DPYD: variants seen among roughly 807,000 people sequenced by gnomAD.
DPYD encodes the protein dihydropyrimidine dehydrogenase.
In DPYD, 109 loss-of-function variants were observed where a neutral mutation model predicts 116.2. That is an observed-to-expected ratio of 0.94 (90% confidence interval 0.80 to 1.10). The LOEUF (loss-of-function observed/expected upper bound fraction) is 1.10, where lower values mean the gene tolerates loss of function less well. DPYD is among the 50% of genes least tolerant of loss of function. The pLI is 0.00. For synonymous variants in DPYD, 440 were observed against 432.0 expected (o/e 1.02, Z -0.23); for missense variants, 1,302 against 1,254.5 (o/e 1.04, Z -0.57).
chr1:97,108,800 T>G (rs573422520), intron 20 of DPYD, among the ~76,000 whole-genome samples: 76 of 152,250 alleles, frequency 5.0e-4, no homozygotes, highest in African/African-American at 1.8e-3. Context: ...CAAACTCATC[T>G]GAGACACACT....
rs1656070429 is a variant in DPYD at position 97,613,423 on chromosome 1, A to AT, written c.851-18258dup. On this transcript the variant is annotated intron_variant, in intron 8 of 22. Coordinates refer to ENST00000370192, the MANE Select transcript of DPYD (RefSeq NM_000110.4). ...GACATGTCACTAAAATCTTTAATAA[A>AT]TTTTTTACTCTTCTGCATCCTCATA... Among the ~76,000 whole-genome samples the AT allele has an allele frequency of 2.0e-5, 3 of 151,888 alleles. No individual in the cohort carries two copies. In the Admixed American group the frequency reaches 2.0e-4, roughly 10 times the overall value.
At chr1:97,849,626 A>G (rs1179617330) in intron 2 of DPYD, among the ~76,000 whole-genome samples, 1 of 151,994 alleles carries the variant, frequency 6.6e-6, no homozygotes, top group Non-Finnish European at 1.5e-5. Context: ...GAACCAGCAC[A>G]CTCCAAGCAC....
rs1306752079 is a variant in DPYD, at chr1:97,902,434, C to A, written c.39+18450G>T. Among the ~76,000 whole-genome samples, 9 of 151,890 alleles carry A rather than the reference C, an allele frequency of 5.9e-5. No individual in the cohort carries two copies. The East Asian group carries it at 1.8e-3, about 30-fold the overall frequency. Reference sequence around the variant, plus strand: ...GCATAAATAATATAGACCAGAGAGGCATAAGAGGTCAGAAGTTCAGTGTTT... The same window carrying A: ...GCATAAATAATATAGACCAGAGAGGAATAAGAGGTCAGAAGTTCAGTGTTT... On this transcript the variant is annotated intron_variant, in intron 1 of 22. Transcript: ENST00000370192.
chr1:97,238,386 C>A (rs898295550), intron 18 of DPYD, among the ~76,000 whole-genome samples: 5 of 152,058 alleles, frequency 3.3e-5, no homozygotes, highest in Non-Finnish European at 5.9e-5. Context: ...CTGTTCTCAG[C>A]ATTTTTATGG....
At chr1:97,748,125 T>C (rs1325300486) in intron 3 of DPYD, among the ~76,000 whole-genome samples, 1 of 152,142 alleles carries the variant, frequency 6.6e-6, no homozygotes, top group African/African-American at 2.4e-5. Context: ...ACATATGCTT[T>C]AAGGGTTCAT....
At chr1:97,300,787 G>A (rs940298540) in intron 18 of DPYD, among the ~76,000 whole-genome samples, 6 of 151,948 alleles carry the variant, frequency 3.9e-5, no homozygotes, top group Admixed American at 6.6e-5. Flanking sequence ...AACAATTCAC[G>A]CCTAAGTAAC....
chr1:97,317,630 C>T (rs758264205), intron 16 of DPYD, among the ~76,000 whole-genome samples: 5 of 151,942 alleles, frequency 3.3e-5, no homozygotes, highest in African/African-American at 4.8e-5. Flanking sequence ...ACTTAGAAAA[C>T]AACCACAAGC....
chr1:97,373,569 A>G lies in DPYD; in HGVS notation c.2050T>C (p.Cys684Arg). 1 of 1,613,596 alleles carries G rather than the reference A, an allele frequency of 6.2e-7. No homozygotes were observed. Among genetic ancestry groups the G allele is most frequent in the Non-Finnish European group, 8.5e-7 (1 of 1,179,750 alleles). Reference protein sequence around the residue: ...GMGERGMGLACGQDPELVRNI... With the variant: ...GMGERGMGLARGQDPELVRNI... ...GCTGTCAAGGTCCTTACCTGCCCAC[A>G]GGCCAGGCCCATTCCTCTTTCTCCC... is the stretch of plus-strand genomic sequence containing the variant. Residue 684 changes from cysteine (C) to arginine (R), a missense_variant, in exon 16 of 23, where the codon TGT becomes CGT. Cys to Arg is a radical substitution (Grantham distance 180, BLOSUM62 -3). Coordinates refer to ENST00000370192, the MANE Select transcript of DPYD (RefSeq NM_000110.4).
intron 12 of DPYD, among the ~76,000 whole-genome samples, chr1:97,549,130 G>A (rs936234218): frequency 6.6e-6 from 1 of 151,676 alleles, no homozygotes; most frequent in East Asian, 1.9e-4. Context: ...CAAGTGGCAC[G>A]ATCATGGCTT....
intron 16 of DPYD, among the ~76,000 whole-genome samples, chr1:97,345,377 T>G (rs1415585421): frequency 6.6e-6 from 1 of 151,488 alleles, no homozygotes; most frequent in East Asian, 1.9e-4. Flanking sequence ...CTCAACAAAA[T>G]GGGCTCTACA....
chr1:97,154,622 T>C (rs191313911), intron 20 of DPYD, among the ~76,000 whole-genome samples: 1 of 151,430 alleles, frequency 6.6e-6, no homozygotes, highest in Admixed American at 6.6e-5. Flanking sequence ...CGCACTCCTG[T>C]AGTCCCAGCT....
intron 2 of DPYD, among the ~76,000 whole-genome samples, chr1:97,846,244 C>G (rs1262049047): frequency 1.3e-5 from 2 of 152,024 alleles, no homozygotes; most frequent in Admixed American, 6.5e-5. Flanking sequence ...ATGGAAGCTC[C>G]GTGTCTTTTT....
chr1:97,265,811 TATCTACTCA>T (rs1331596493), intron 18 of DPYD, among the ~76,000 whole-genome samples: 2 of 152,180 alleles, frequency 1.3e-5, no homozygotes, highest in East Asian at 3.9e-4. Flanking sequence ...ACATGTACTC[TATCTACTCA>T]TAAGTTAGAA....
chr1:97,258,792 G>A (rs532815839), intron 18 of DPYD, among the ~76,000 whole-genome samples: 4 of 152,260 alleles, frequency 2.6e-5, no homozygotes, highest in Admixed American at 1.3e-4. Context: ...TGGTGGTGTT[G>A]CATAAGGACC....
At chr1:97,587,473 C>G (rs190639517) in intron 10 of DPYD, among the ~76,000 whole-genome samples, 63 of 152,114 alleles carry the variant, frequency 4.1e-4, no homozygotes, top group African/African-American at 1.4e-3. Flanking sequence ...TAAAAATAGT[C>G]CCAGGTTCAT....
Position 97,864,683 on chromosome 1 carries a change from A to G in DPYD, c.150+18581T>C, listed in dbSNP as rs184362881. Among the ~76,000 whole-genome samples the G allele has an allele frequency of 1.2e-3, 185 of 152,074 alleles. No individual in the cohort carries two copies. In the Middle Eastern group the frequency reaches 0.024, roughly 20 times the overall value. On this transcript the variant is annotated intron_variant, in intron 2 of 22. Coordinates refer to ENST00000370192, the MANE Select transcript of DPYD (RefSeq NM_000110.4). ...CTCGAGAAGCTGTTCTAAGAAGAAA[A>G]ATACTTCGAGAAGGAAGGTATCCAC...
At chr1:97,173,388 A>G (rs540327319) in intron 20 of DPYD, among the ~76,000 whole-genome samples, 18 of 136,352 alleles carry the variant, frequency 1.3e-4, no homozygotes, top group Non-Finnish European at 2.4e-4. Context: ...GTATATACGT[A>G]CATATATGTG....
intron 5 of DPYD, among the ~76,000 whole-genome samples, chr1:97,710,428 CT>C (rs1375579576): frequency 1.1e-4 from 17 of 151,726 alleles, no homozygotes; most frequent in Admixed American, 1.1e-3. Flanking sequence ...AAATAGTTTT[CT>C]TCATAACAAT....
rs551581535 is a variant in DPYD, at chr1:97,594,271, A to G, written c.958+788T>C. On this transcript the variant is annotated intron_variant, in intron 9 of 22. Transcript: ENST00000370192. ...ACTCTGTAATTTTCAAATACAAGCT[A>G]GGTGCACTATGACCTTCCTCAGAAA... 6.0e-4 allele frequency among the ~76,000 whole-genome samples: 91 copies of G among 152,292 alleles called. 2 individuals carry two copies. Among genetic ancestry groups the G allele is most frequent in the South Asian group, 5.6e-3 (27 of 4,828 alleles).
Sources: gnomAD v4.1 joint callset for allele counts (sites outside exome capture counted in the v4.1 genomes callset) on GRCh38, gnomAD v4.1.1 for gene constraint, MANE v1.5 for transcripts, NCBI Gene and HGNC (gene_info 2026-07-23, HGNC 2026-07-21) for gene names.